The following MTF2 variants were observed in gnomAD, a reference collection of about 807,000 sequenced individuals.
MTF2 encodes the protein metal response element binding transcription factor 2.
Under a neutral mutation model 79.5 loss-of-function variants are expected in MTF2, and 11 were observed. The observed-to-expected ratio is 0.14, with a 90% CI of 0.09 to 0.23. MTF2 has a LOEUF of 0.23. Among genes scored for constraint, MTF2 ranks in the 10% least tolerant of loss-of-function variants. MTF2 has a pLI of 1.00. For missense variants in MTF2, 486 were observed against 711.2 expected (o/e 0.68, Z 3.60); for synonymous variants, 208 against 232.8 (o/e 0.89, Z 0.97).
chr1:93,116,541 T>C (rs1656257933), intron 6 of MTF2, among the ~76,000 whole-genome samples: 1 of 150,306 alleles, frequency 6.7e-6, no homozygotes, highest in Non-Finnish European at 1.5e-5. Context: ...TCTTGCTCTG[T>C]TGCCTCGGCT....
At chr1:93,128,413 C>T (rs1656785122) in intron 10 of MTF2, among the ~76,000 whole-genome samples, 1 of 151,844 alleles carries the variant, frequency 6.6e-6, no homozygotes, top group African/African-American at 2.4e-5. Flanking sequence ...CAAAAATAGC[C>T]AGGCATGTTG....
chr1:93,087,902 T>A (rs1266669602), intron 1 of MTF2, among the ~76,000 whole-genome samples: 2 of 151,670 alleles, frequency 1.3e-5, no homozygotes, highest in Non-Finnish European at 2.9e-5. Flanking sequence ...CCCTTCCTAT[T>A]CTATGGCATT....
intron 1 of MTF2, among the ~76,000 whole-genome samples, chr1:93,101,829 T>C (rs917346826): frequency 1.3e-5 from 2 of 152,008 alleles, no homozygotes; most frequent in African/African-American, 4.8e-5. Context: ...CCTCCCGCCT[T>C]GGCCTCCCAA....
chr1:93,125,705 G>A (rs1315777563), intron 9 of MTF2, among the ~76,000 whole-genome samples: 1 of 152,004 alleles, frequency 6.6e-6, no homozygotes, highest in African/African-American at 2.4e-5. Context: ...CAGTTGGGGT[G>A]GGGAGGGGGG....
chr1:93,137,257 A>G lies in MTF2; in HGVS notation c.*230A>G, dbSNP rs75482876. On this transcript the variant is annotated 3_prime_UTR_variant, in exon 15 of 15. Coordinates refer to ENST00000370298, the MANE Select transcript of MTF2 (RefSeq NM_007358.4). Reference sequence around the variant, plus strand: ...GAGACTTAATTTTTTAAATCTTAAGATTTGTAGAATGTTTCTAGGATAGGA... The same window carrying G: ...GAGACTTAATTTTTTAAATCTTAAGGTTTGTAGAATGTTTCTAGGATAGGA... The G allele has an allele frequency of 0.079, 31,026 of 391,016 alleles. 1,589 individuals are homozygous for G. The highest frequency in any genetic ancestry group is 0.11 in the Non-Finnish European group (23,156 of 218,350). The allele number at this position is 391,016 out of a possible 1,614,324, so 24.2% of individuals were successfully genotyped here.
intron 3 of MTF2, among the ~76,000 whole-genome samples, chr1:93,112,897 T>TG (rs1656086413): frequency 6.6e-6 from 1 of 152,224 alleles, no homozygotes; most frequent in South Asian, 2.1e-4. Context: ...TCTGAGGAAT[T>TG]GCCTTCCCCA....
chr1:93,115,432 A>G, intron 5 of MTF2, 38 bp from the exon 6 acceptor site: 2 of 1,425,802 alleles, frequency 1.4e-6, no homozygotes, highest in South Asian at 1.4e-5. Flanking sequence ...TTAAAATTTT[A>G]GCCTTCACTC....
chr1:93,120,436 A>G lies in MTF2; in HGVS notation c.798-113A>G, dbSNP rs965012532. On this transcript the variant is annotated intron_variant, in intron 8 of 14. Transcript: ENST00000370298. ...GATTTATTGTATTGTGAATATGACTATCCACCTAAATATTTCTCTTTGCAT... is the reference window on the plus strand; with the variant it reads ...GATTTATTGTATTGTGAATATGACTGTCCACCTAAATATTTCTCTTTGCAT... 6.4e-6 allele frequency: 6 copies of G among 932,682 alleles called. No homozygotes were observed. The African/African-American group carries it at 8.6e-5, about 13-fold the overall frequency. 57.8% of individuals were successfully genotyped at this position (932,682 alleles called of 1,614,324 possible). A position where few individuals can be genotyped will look rare whatever the true frequency, so the allele number is the denominator to read the frequency against.
intron 1 of MTF2, among the ~76,000 whole-genome samples, chr1:93,106,007 G>A (rs1380111534): frequency 6.6e-6 from 1 of 152,096 alleles, no homozygotes; most frequent in Non-Finnish European, 1.5e-5. Flanking sequence ...TAGGGTTAGG[G>A]ACTTGGTAAT....
rs867752694 is a variant in MTF2, at chr1:93,136,998, G to A, written c.1753G>A (p.Val585Met). The part of the protein sequence containing the change: ...VTLDGKVQYL[V>M]EWEGATAS The stretch of plus-strand genomic sequence containing the variant: ...ACTTGATGGAAAGGTGCAGTATCTT[G>A]TGGAATGGGAAGGAGCAACTGCATC... The change falls in exon 15 of 15, where the codon GTG becomes ATG. Residue 585 changes from valine to methionine, a missense_variant. Transcript: ENST00000370298. 3.1e-6 allele frequency: 5 copies of A among 1,613,824 alleles called. No homozygotes were observed. The highest frequency in any genetic ancestry group is 1.6e-4 in the Middle Eastern group (1 of 6,082).
chr1:93,091,441 C>G (rs1408427321), intron 1 of MTF2, among the ~76,000 whole-genome samples: 4 of 152,148 alleles, frequency 2.6e-5, no homozygotes, highest in Non-Finnish European at 5.9e-5. Flanking sequence ...AGCAATCCTC[C>G]CACTTCAGCC....
rs1647439319 is a variant in MTF2 at position 93,137,218 on chromosome 1, T to C, written c.*191T>C. 4.3e-6 allele frequency: 2 copies of C among 460,394 alleles called. No homozygotes were observed. The highest frequency in any genetic ancestry group is 1.1e-4 in the South Asian group (2 of 18,078). 28.5% of individuals were successfully genotyped at this position (460,394 alleles called of 1,614,324 possible). Reference sequence around the variant, plus strand: ...GATATTGTCATAAAAAGGTATCTTTTAAAAATCAGAACAGAGACTTAATTT... The same window carrying C: ...GATATTGTCATAAAAAGGTATCTTTCAAAAATCAGAACAGAGACTTAATTT... On this transcript the variant is annotated 3_prime_UTR_variant, in exon 15 of 15. Coordinates refer to ENST00000370298, the MANE Select transcript of MTF2 (RefSeq NM_007358.4).
chr1:93,123,260 CTCTT>C (rs1327085653), intron 9 of MTF2, among the ~76,000 whole-genome samples: 1 of 101,876 alleles, frequency 9.8e-6, no homozygotes, highest in Middle Eastern at 5.6e-3. Context: ...GTCTCTCTCT[CTCTT>C]TTTTTTTTTT....
chr1:93,137,200 T>A lies in MTF2; in HGVS notation c.*173T>A. On this transcript the variant is annotated 3_prime_UTR_variant, in exon 15 of 15. Transcript: ENST00000370298. ...GTACCTGTCAATGTTATGGATATTG[T>A]CATAAAAAGGTATCTTTTAAAAATC... 1 of 488,400 alleles carries A rather than the reference T, an allele frequency of 2.0e-6. No individual in the cohort carries two copies. Among genetic ancestry groups the A allele is most frequent in the Non-Finnish European group, 3.6e-6 (1 of 280,462 alleles). 30.3% of individuals were successfully genotyped at this position (488,400 alleles called of 1,614,324 possible).
chr1:93,079,600 G>A (rs2815419), intron 1 of MTF2, 69 bp downstream of exon 1: 1,416,845 of 1,577,792 alleles, frequency 0.9, 643,909 homozygotes, highest in East Asian at 0.93. Flanking sequence ...AGGAAGAAAG[G>A]AAGCAAGTAT....
chr1:93,115,798 T>G (rs1656226290), intron 6 of MTF2, among the ~76,000 whole-genome samples, 180 bp downstream of exon 6: 3 of 152,192 alleles, frequency 2.0e-5, no homozygotes, highest in African/African-American at 7.2e-5. Context: ...TTTGATCATA[T>G]CCACACATTA....
chr1:93,133,807 T>G lies in MTF2; in HGVS notation c.1265T>G (p.Leu422Trp), dbSNP rs141766157. The change falls in exon 12 of 15, where the codon TTG (leucine) becomes TGG (tryptophan). Residue 422 changes from leucine (L) to tryptophan (W), a missense_variant and splice_region_variant. Around this residue, in one of 4 missense-constraint regions of MTF2, gnomAD observed 209 missense variants for 206.5 expected, o/e 1.01. Coordinates refer to ENST00000370298, the MANE Select transcript of MTF2 (RefSeq NM_007358.4). Reference protein sequence around the residue: ...KMIQKTAEPLLDKESISENPT... With the variant: ...KMIQKTAEPLWDKESISENPT... ...ATTCAAAAAACTGCTGAGCCACTTT[T>G]GGTAAGAGGATATGTTGGTATATGT... 2.5e-6 allele frequency: 4 copies of G among 1,598,688 alleles called. No individual in the cohort carries two copies. In the African/African-American group the frequency reaches 5.4e-5, roughly 21 times the overall value.
At chr1:93,121,172 C>A in intron 9 of MTF2, 1 of 984,398 alleles carries the variant, frequency 1.0e-6, no homozygotes, top group Non-Finnish European at 1.2e-6. Flanking sequence ...TATCCCCTCT[C>A]ATTCTGACAT....
chr1:93,130,163 G>A (rs546264024), intron 11 of MTF2, among the ~76,000 whole-genome samples: 3 of 152,318 alleles, frequency 2.0e-5, no homozygotes, highest in Admixed American at 6.5e-5. Flanking sequence ...TGAGAGAGTA[G>A]CATCAGGTAT....
Sources: allele counts gnomAD v4.1 joint callset (sites outside exome capture counted in the v4.1 genomes callset), GRCh38; gene constraint gnomAD v4.1.1; regional missense constraint gnomAD v4.1.1; transcripts MANE v1.5; gene names NCBI Gene and HGNC (gene_info 2026-07-23, HGNC 2026-07-21).